Variants in GRHPR observed in about 807,000 individuals in gnomAD.
The protein encoded by GRHPR is glyoxylate and hydroxypyruvate reductase.
A neutral mutation model predicts 36.8 loss-of-function variants in GRHPR; 35 were observed. The ratio of observed to expected loss-of-function variants is 0.95; its 90% confidence interval spans 0.73 to 1.26. The LOEUF is 1.26. Among genes scored for constraint, GRHPR ranks in the 50% most tolerant of loss-of-function variants. GRHPR has a pLI of 0.00. For missense variants in GRHPR, 380 were observed against 435.0 expected (o/e 0.87, Z 1.12); for synonymous variants, 179 against 181.0 (o/e 0.99, Z 0.09).
intron 1 of GRHPR, among the ~76,000 whole-genome samples, chr9:37,423,411 A>G (rs1822937049): frequency 6.6e-6 from 1 of 151,652 alleles, no homozygotes; most frequent in African/African-American, 2.4e-5. Context: ...GGGCTCAAGC[A>G]ATCCTCTTGC....
intron 1 of GRHPR, among the ~76,000 whole-genome samples, chr9:37,423,220 G>T (rs937919585): frequency 6.7e-6 from 1 of 149,546 alleles, no homozygotes; most frequent in African/African-American, 2.5e-5. Context: ...CTGGAGTGCA[G>T]TGGCTCGATC....
Position 37,425,841 on chromosome 9 carries a change from G to A in GRHPR, c.215-81G>A, listed in dbSNP as rs1466257533. 39 of 848,844 alleles carry A rather than the reference G, an allele frequency of 4.6e-5. No homozygotes were observed. In the Admixed American group the frequency reaches 5.0e-4, roughly 11 times the overall value. 52.6% of individuals were successfully genotyped at this position (848,844 alleles called of 1,614,324 possible). A position where few individuals can be genotyped will look rare whatever the true frequency, so the allele number is the denominator to read the frequency against. On this transcript the variant is annotated intron_variant, in intron 2 of 8. Coordinates refer to ENST00000318158, the MANE Select transcript of GRHPR (RefSeq NM_012203.2). ...TTATTCTAAGAAAACAATAATAAGC[G>A]GTGTCCCCATGATAGTCCCCAGTGC...
chr9:37,426,636 CCAT>C lies in GRHPR; in HGVS notation c.388_390del (p.Ile130del). ...ACCACCTGCCGCCGGTTGCCGGAGG[CCAT>C]CGAGGAAGTGAAGAAGTAAGTGAAC... On this transcript the variant is annotated inframe_deletion, in exon 4 of 9. Transcript: ENST00000318158. 1 of 1,608,294 alleles carries C rather than the reference CCAT, an allele frequency of 6.2e-7. No individual in the cohort carries two copies. The highest frequency in any genetic ancestry group is 8.5e-7 in the Non-Finnish European group (1 of 1,174,748).
chr9:37,427,543 A>G (rs1348207561), intron 4 of GRHPR, among the ~76,000 whole-genome samples: 2 of 152,072 alleles, frequency 1.3e-5, no homozygotes, highest in African/African-American at 4.8e-5. Flanking sequence ...CTGTATATCA[A>G]GAGTTAGAGT....
chr9:37,436,980 A>T lies in GRHPR; in HGVS notation c.*198A>T. The T allele has an allele frequency of 1.7e-6, 1 of 576,976 alleles. No homozygotes were observed. The highest frequency in any genetic ancestry group is 3.1e-6 in the Non-Finnish European group (1 of 321,806). The allele number at this position is 576,976 out of a possible 1,614,324, so 35.7% of individuals were successfully genotyped here. On this transcript the variant is annotated 3_prime_UTR_variant, in exon 9 of 9. Coordinates refer to ENST00000318158, the MANE Select transcript of GRHPR (RefSeq NM_012203.2). ...AGTATGGTAATTCTATTATTAAATA[A>T]TTCTCTGAGAGACCGTCTTGGCCTG...
downstream of GRHPR, chr9:37,437,084 C>A: frequency 2.6e-6 from 1 of 379,346 alleles, no homozygotes; most frequent in South Asian, 2.2e-5. Flanking sequence ...GGAGGCTGAG[C>A]GGGAAGGATC....
chr9:37,428,016 TGG>T (rs1360728518), intron 4 of GRHPR: 1 of 283,542 alleles, frequency 3.5e-6, no homozygotes, highest in African/African-American at 2.2e-5. Context: ...CTGTCCTGTC[TGG>T]GGAGTCATCA....
At chr9:37,431,809 C>G in intron 7 of GRHPR, 199 bp from the exon 8 acceptor site, 1 of 556,070 alleles carries the variant, frequency 1.8e-6, no homozygotes, top group South Asian at 2.0e-5. Flanking sequence ...TGCCCAAGGT[C>G]ACACAGCTAG....
intron 7 of GRHPR, chr9:37,431,537 G>A: frequency 4.1e-6 from 1 of 241,710 alleles, no homozygotes; most frequent in Non-Finnish European, 8.2e-6. Flanking sequence ...TTAGGGGTGT[G>A]CTCGTTCCTC....
At chr9:37,425,184 G>T (rs962148426) in intron 2 of GRHPR, among the ~76,000 whole-genome samples, 5 of 152,210 alleles carry the variant, frequency 3.3e-5, no homozygotes, top group African/African-American at 1.2e-4. Context: ...ACCCTAGGAG[G>T]GCAAAGACCG....
downstream of GRHPR, among the ~76,000 whole-genome samples, chr9:37,437,925 G>A (rs1047602813): frequency 7.9e-5 from 12 of 152,256 alleles, no homozygotes; most frequent in African/African-American, 2.4e-4. Flanking sequence ...ATGCATGTGC[G>A]TAGCTCAAAG....
At chr9:37,422,918 G>C (rs905183648) in intron 1 of GRHPR, 85 bp downstream of exon 1, 2 of 958,476 alleles carry the variant, frequency 2.1e-6, no homozygotes, top group South Asian at 1.5e-5. Flanking sequence ...CCTTGTGGCC[G>C]GCTGGGGCAG....
downstream of GRHPR, among the ~76,000 whole-genome samples, chr9:37,437,218 A>G (rs577681114): frequency 2.0e-5 from 3 of 151,876 alleles, no homozygotes; most frequent in Non-Finnish European, 4.4e-5. Context: ...TCTTTAAATC[A>G]CCACTACACT....
At position 37,430,523 on chromosome 9, in the gene GRHPR, A is replaced by C; in HGVS notation, c.611A>C (p.Glu204Ala). Reference sequence around the variant, plus strand: ...TGCCCTCCCTCAGTGTCTACCCCTGAGCTGGCTGCCCAATCTGATTTCATC... The same window carrying C: ...TGCCCTCCCTCAGTGTCTACCCCTGCGCTGGCTGCCCAATCTGATTTCATC... ...EFQAEFVSTP[E>A]LAAQSDFIVV... The change falls in exon 7 of 9, where the codon GAG becomes GCG. Residue 204 changes from glutamate (E) to alanine (A), a missense_variant. By Grantham distance (107) the Glu-to-Ala change is moderately radical (BLOSUM62 -1). Transcript: ENST00000318158. The C allele has an allele frequency of 6.2e-7, 1 of 1,613,958 alleles. No homozygotes were observed. The highest frequency in any genetic ancestry group is 1.1e-5 in the South Asian group (1 of 91,068).
At chr9:37,437,051 A>T, downstream of GRHPR, 1 of 416,430 alleles carries the variant, frequency 2.4e-6, no homozygotes, top group South Asian at 2.1e-5. Flanking sequence ...ATGGTGACGC[A>T]CCCCTATAGT....
chr9:37,425,774 G>A, intron 2 of GRHPR, 148 bp from the exon 3 acceptor site: 1 of 655,580 alleles, frequency 1.5e-6, no homozygotes, highest in Non-Finnish European at 2.8e-6. Flanking sequence ...TGTCAAAGGG[G>A]ATTATTCAGA....
chr9:37,428,561 TG>T lies in GRHPR; in HGVS notation c.486del (p.Arg163AlafsTer2). ...LTQSTVGIIGLGRIGQAIARR... is the reference protein window; with the variant it reads ...LTQSTVGIIGXGRIGQAIARR... ...CAGAGCACTGTCGGCATCATCGGGC[TG>T]GGGCGCATAGGTGAGGCTCCCACCG... On this transcript the variant is annotated frameshift_variant, in exon 5 of 9. Transcript: ENST00000318158. LOFTEE classifies it high-confidence loss of function. The T allele has an allele frequency of 6.2e-7, 1 of 1,607,832 alleles. No individual in the cohort carries two copies. Among genetic ancestry groups the T allele is most frequent in the Non-Finnish European group, 8.5e-7 (1 of 1,177,098 alleles).
intron 4 of GRHPR, 40 bp from the exon 5 acceptor site, chr9:37,428,444 C>T (rs1564298947): frequency 7.3e-7 from 1 of 1,366,134 alleles, no homozygotes; most frequent in East Asian, 2.3e-5. Context: ...CATCTTGGTC[C>T]AAGGCTGGGC....
At chr9:37,429,517 T>G (rs1029866506) in intron 5 of GRHPR, 2 of 622,804 alleles carry the variant, frequency 3.2e-6, no homozygotes, top group Admixed American at 2.3e-5. Context: ...GGAGCTGAGG[T>G]GCTGTCTCCA....
Sources: gnomAD v4.1 joint callset for allele counts (sites outside exome capture counted in the v4.1 genomes callset) on GRCh38, gnomAD v4.1.1 for gene constraint, MANE v1.5 for transcripts, NCBI Gene and HGNC (gene_info 2026-07-23, HGNC 2026-07-21) for gene names.